The following PDE4DIP variants were observed in gnomAD, a reference collection of about 807,000 sequenced individuals.
PDE4DIP encodes myomegalin.
In PDE4DIP, 59 loss-of-function variants were observed where a neutral mutation model predicts 221.4. The ratio of observed to expected loss-of-function variants is 0.27; its 90% CI spans 0.22 to 0.33. PDE4DIP has a LOEUF of 0.33. PDE4DIP is among the 10% of genes least tolerant of loss of function. PDE4DIP has a pLI of 1.00. For missense variants in PDE4DIP, 1,036 were observed against 2,154.2 expected, an observed-to-expected ratio of 0.48 and a Z score of 10.28; for synonymous variants, 404 against 815.9, an observed-to-expected ratio of 0.50 and a Z score of 8.60.
At chr1:149,022,713 A>G (rs1553621103) in intron 37 of PDE4DIP, among the ~76,000 whole-genome samples, 1 of 151,374 alleles carries the variant, frequency 6.6e-6, no homozygotes, top group African/African-American at 2.4e-5. Context: ...AGGTCAGGGT[A>G]AAAGTTGACA....
intron 1 of PDE4DIP, among the ~76,000 whole-genome samples, chr1:148,923,860 C>T (rs1553463926): frequency 6.8e-6 from 1 of 146,286 alleles, no homozygotes; most frequent in Non-Finnish European, 1.5e-5. Flanking sequence ...TTTTTGCAAA[C>T]CCTATTTTAT....
At chr1:148,945,175 T>C (rs2051348246) in intron 5 of PDE4DIP, among the ~76,000 whole-genome samples, 1 of 151,950 alleles carries the variant, frequency 6.6e-6, no homozygotes, top group African/African-American at 2.4e-5. Context: ...TTGGTAGACT[T>C]TTTCTGTATA....
chr1:149,009,497 A>G (rs587663428), intron 29 of PDE4DIP, 71 bp from the exon 33 acceptor site: 2 of 960,942 alleles, frequency 2.1e-6, no homozygotes, highest in East Asian at 2.6e-5. Context: ...GGCTTTTCCT[A>G]TGAGCCATAG....
In PDE4DIP at chr1:148,869,752, C is replaced by T. The variant is rs1396085848; in HGVS notation, c.441+1130C>T. Among the ~76,000 whole-genome samples the T allele has an allele frequency of 4.2e-5, 4 of 96,378 alleles. No individual in the cohort carries two copies. In the East Asian group the frequency reaches 9.9e-4, roughly 24 times the overall value. 63.2% of individuals were successfully genotyped at this position (96,378 alleles called of 152,430 possible). ...TTTAAATAGCCCAGAAACAGGCAGC[C>T]GGAATTTCTTATACTCTTGTGCTCT... On this transcript the variant is annotated intron_variant, in intron 3 of 45. Coordinates refer to the PDE4DIP transcript ENST00000524974.
At chr1:148,923,289 C>A (rs1383923336) in intron 1 of PDE4DIP, among the ~76,000 whole-genome samples, 4 of 150,840 alleles carry the variant, frequency 2.7e-5, no homozygotes, top group Non-Finnish European at 4.4e-5. Context: ...TCCACATAAT[C>A]TCACAGCATT....
At chr1:148,953,436 C>A in intron 5 of PDE4DIP, 1 of 1,614,078 alleles carries the variant, frequency 6.2e-7, no homozygotes, top group Non-Finnish European at 8.5e-7. Flanking sequence ...GTTGGGCCAC[C>A]CGACTTAGCA....
intron 1 of PDE4DIP, among the ~76,000 whole-genome samples, chr1:148,897,183 GA>G (rs1553442937): frequency 2.8e-5 from 1 of 36,340 alleles, no homozygotes; most frequent in Non-Finnish European, 5.2e-5. Context: ...GCTGTAACAT[GA>G]GTGAACCTTA....
At chr1:148,970,672 G>A (rs797040269) in intron 14 of PDE4DIP, among the ~76,000 whole-genome samples, 4 of 152,178 alleles carry the variant, frequency 2.6e-5, no homozygotes, top group South Asian at 2.1e-4. Context: ...CTGCAGGTTC[G>A]GGGACTGCAT....
At chr1:148,986,247 G>C (rs1486815685) in intron 21 of PDE4DIP, 2 of 152,140 alleles carry the variant, frequency 1.3e-5, no homozygotes, top group African/African-American at 4.8e-5. Flanking sequence ...AGAAGGAGGT[G>C]AGTGATATGT....
intron 20 of PDE4DIP, 25 bp downstream of exon 23, chr1:148,979,874 T>C (rs782657154): frequency 6.2e-7 from 1 of 1,604,674 alleles, no homozygotes; most frequent in Non-Finnish European, 8.5e-7. Context: ...GTTTTTTCTT[T>C]TATTCTTTAT....
At position 148,968,913 on chromosome 1, in the gene PDE4DIP, G is replaced by A. The variant is rs1553521491; in HGVS notation, c.1863G>A (p.Gln621=). The stretch of plus-strand genomic sequence containing the variant: ...CAGAGGAGCTGTGCCAGCGTCTACA[G>A]CGAAAGGAAAGGATGCTGCAGGACC... Residue 621 remains glutamine (Q), a synonymous_variant, in exon 14 of 44, where the codon CAG becomes CAA. Coordinates refer to ENST00000369354, the Ensembl canonical transcript of PDE4DIP. The A allele has an allele frequency of 2.5e-6, 4 of 1,613,848 alleles. No homozygotes were observed. The South Asian group carries it at 4.4e-5, about 18-fold the overall frequency.
rs587598744 is a variant in PDE4DIP at position 149,031,914 on chromosome 1, T to C, written c.7000-30T>C. ...ATCAGTAGGGCCTGGCAATATACACTGATTTGGTTTGTTTTATGTTTGTCT... is the reference window on the plus strand; with the variant it reads ...ATCAGTAGGGCCTGGCAATATACACCGATTTGGTTTGTTTTATGTTTGTCT... On this transcript the variant is annotated intron_variant, in intron 43 of 43. Transcript: ENST00000369354. 3.3e-5 allele frequency: 53 copies of C among 1,592,494 alleles called. 1 individual carries two copies. The East Asian group carries it at 4.9e-4, about 15-fold the overall frequency.
At chr1:148,963,736 C>T (rs2057499237) in intron 9 of PDE4DIP, among the ~76,000 whole-genome samples, 1 of 145,414 alleles carries the variant, frequency 6.9e-6, no homozygotes, top group African/African-American at 2.5e-5. Flanking sequence ...TTTCCTCTCT[C>T]TTTCTTTCCT....
intron 27 of PDE4DIP, 88 bp from the exon 31 acceptor site, chr1:149,007,113 A>G (rs2067264505): frequency 3.0e-6 from 2 of 672,524 alleles, no homozygotes; most frequent in Admixed American, 4.9e-5. Flanking sequence ...AGATGTTCTC[A>G]TAGAAATCTC....
At chr1:148,917,955 T>A (rs2150080308) in intron 1 of PDE4DIP, among the ~76,000 whole-genome samples, 1 of 149,498 alleles carries the variant, frequency 6.7e-6, no homozygotes, top group East Asian at 2.0e-4. Context: ...TACGTGAAAC[T>A]GTAAAAAAAT....
intron 1 of PDE4DIP, among the ~76,000 whole-genome samples, chr1:148,917,162 C>T (rs1553459011): frequency 6.6e-6 from 1 of 151,584 alleles, no homozygotes; most frequent in Non-Finnish European, 1.5e-5. Flanking sequence ...TTCTCACTGG[C>T]CAGCTCAGTT....
intron 4 of PDE4DIP, among the ~76,000 whole-genome samples, chr1:148,933,710 C>T (rs1301860304): frequency 1.3e-5 from 2 of 152,116 alleles, no homozygotes; most frequent in Non-Finnish European, 2.9e-5. Context: ...AATTTAATCG[C>T]ACCATGGCAG....
At chr1:149,025,412 T>C (rs2074856944) in intron 38 of PDE4DIP, among the ~76,000 whole-genome samples, 2 of 151,964 alleles carry the variant, frequency 1.3e-5, no homozygotes. Context: ...TCCTGGATGG[T>C]GGGTGATTTA....
chr1:148,944,445 TGGGTCTC>T (rs2051160780), intron 5 of PDE4DIP, among the ~76,000 whole-genome samples: 1 of 143,780 alleles, frequency 7.0e-6, no homozygotes, highest in Admixed American at 7.1e-5. Flanking sequence ...GACAAGTCAT[TGGGTCTC>T]CAGGTTTCTT....
Sources: gnomAD v4.1 joint callset for allele counts (sites outside exome capture counted in the v4.1 genomes callset) on GRCh38, gnomAD v4.1.1 for gene constraint, MANE v1.5 for transcripts, NCBI Gene and HGNC (gene_info 2026-07-23, HGNC 2026-07-21) for gene names.